Variants in PPFIA2 observed in about 807,000 individuals in gnomAD.
PPFIA2 encodes the protein PPFI scaffold protein A2, also known as liprin-alpha-2.
In PPFIA2, 46 loss-of-function variants were observed where a neutral mutation model predicts 175.5. The ratio of observed to expected loss-of-function variants is 0.26; its 90% CI spans 0.21 to 0.34. The LOEUF is 0.34. PPFIA2 is among the 10% of genes least tolerant of loss of function. The pLI is 1.00. For missense variants in PPFIA2, 1,179 were observed against 1,506.1 expected (o/e 0.78, Z 3.60); for synonymous variants, 568 against 511.4 (o/e 1.11, Z -1.49).
intron 4 of PPFIA2, among the ~76,000 whole-genome samples, chr12:81,529,960 T>A (rs1282714001): frequency 1.3e-5 from 2 of 151,912 alleles, no homozygotes; most frequent in African/African-American, 2.4e-5. Flanking sequence ...CATGTACCCC[T>A]GAACTTAAAA....
At chr12:81,543,449 A>G (rs1297741977) in intron 4 of PPFIA2, among the ~76,000 whole-genome samples, 1 of 152,150 alleles carries the variant, frequency 6.6e-6, no homozygotes, top group African/African-American at 2.4e-5. Flanking sequence ...TTACAACTTA[A>G]AGGATAAAAC....
intron 4 of PPFIA2, among the ~76,000 whole-genome samples, chr12:81,635,946 G>A (rs1320310017): frequency 2.0e-5 from 3 of 147,114 alleles, no homozygotes; most frequent in African/African-American, 7.3e-5. Flanking sequence ...ACACACACAC[G>A]TGAAATGTTT....
At chr12:81,645,516 T>C (rs1057344647) in intron 4 of PPFIA2, among the ~76,000 whole-genome samples, 2 of 152,156 alleles carry the variant, frequency 1.3e-5, no homozygotes, top group African/African-American at 4.8e-5. Flanking sequence ...ATGTAAAAAG[T>C]GTGAAGGGAA....
intron 6 of PPFIA2, among the ~76,000 whole-genome samples, chr12:81,441,038 A>G (rs17008577): frequency 0.095 from 14,383 of 151,448 alleles, 826 homozygotes; most frequent in Middle Eastern, 0.16. Flanking sequence ...ATATAATTAT[A>G]TTCCTATGAG....
intron 7 of PPFIA2, among the ~76,000 whole-genome samples, chr12:81,429,033 T>C (rs1029992397): frequency 1.3e-5 from 2 of 152,092 alleles, no homozygotes; most frequent in Admixed American, 6.6e-5. Flanking sequence ...CTCTTTTATC[T>C]GACTTTCTGT....
At chr12:81,558,618 A>G (rs981487194) in intron 4 of PPFIA2, among the ~76,000 whole-genome samples, 1 of 152,166 alleles carries the variant, frequency 6.6e-6, no homozygotes, top group African/African-American at 2.4e-5. Context: ...AGAAGCCAGG[A>G]CAGCAGAAGG....
intron 4 of PPFIA2, among the ~76,000 whole-genome samples, chr12:81,521,463 T>C (rs2063117533): frequency 6.6e-6 from 1 of 152,148 alleles, no homozygotes; most frequent in Non-Finnish European, 1.5e-5. Flanking sequence ...ATGCAGTAAG[T>C]GCAATATACT....
At chr12:81,481,065 G>T (rs2058155503) in intron 4 of PPFIA2, among the ~76,000 whole-genome samples, 1 of 152,118 alleles carries the variant, frequency 6.6e-6, no homozygotes, top group Non-Finnish European at 1.5e-5. Flanking sequence ...AAACCAATGT[G>T]TAAAAATCAC....
At chr12:81,405,936 T>A in intron 7 of PPFIA2, 33 bp from the exon 8 acceptor site, 2 of 1,209,000 alleles carry the variant, frequency 1.7e-6, no homozygotes, top group Non-Finnish European at 2.4e-6. Flanking sequence ...CTTTAAAGTC[T>A]AAATAGGGAA....
chr12:81,598,450 T>C (rs927230956), intron 4 of PPFIA2: 2 of 879,260 alleles, frequency 2.3e-6, no homozygotes, highest in African/African-American at 3.6e-5. Context: ...ACATACAGTT[T>C]CATTTCAGGG....
intron 4 of PPFIA2, among the ~76,000 whole-genome samples, chr12:81,590,464 TTTTC>T (rs1229112410): frequency 6.6e-6 from 1 of 152,122 alleles, no homozygotes; most frequent in East Asian, 1.9e-4. Context: ...TCTTTTTTCT[TTTTC>T]TTTTTTATTT....
chr12:81,514,601 A>G (rs2062181024), intron 4 of PPFIA2, among the ~76,000 whole-genome samples: 1 of 151,960 alleles, frequency 6.6e-6, no homozygotes, highest in South Asian at 2.1e-4. Flanking sequence ...CTCACTTACT[A>G]AGGCTGAAAT....
At chr12:81,521,746 G>A (rs926124283) in intron 4 of PPFIA2, among the ~76,000 whole-genome samples, 1 of 151,774 alleles carries the variant, frequency 6.6e-6, no homozygotes, top group African/African-American at 2.4e-5. Context: ...CGTGAACACG[G>A]GAGGCGGAGC....
At chr12:81,605,595 C>T (rs372208002) in intron 4 of PPFIA2, among the ~76,000 whole-genome samples, 3 of 151,758 alleles carry the variant, frequency 2.0e-5, no homozygotes, top group African/African-American at 4.8e-5. Context: ...AACATATGAA[C>T]GCTAGTTAAG....
At chr12:81,553,422 A>G (rs2068283499) in intron 4 of PPFIA2, among the ~76,000 whole-genome samples, 1 of 152,072 alleles carries the variant, frequency 6.6e-6, no homozygotes, top group South Asian at 2.1e-4. Context: ...ACTCCCATCA[A>G]GATGAAGACT....
intron 21 of PPFIA2, among the ~76,000 whole-genome samples, chr12:81,337,865 T>C (rs2057372531): frequency 6.6e-6 from 1 of 152,170 alleles, no homozygotes; most frequent in African/African-American, 2.4e-5. Flanking sequence ...AAATAATGTC[T>C]GGCATGTATA....
chr12:81,716,565 C>A (rs2078650543), intron 3 of PPFIA2, among the ~76,000 whole-genome samples: 1 of 151,418 alleles, frequency 6.6e-6, no homozygotes, highest in Non-Finnish European at 1.5e-5. Context: ...CACACACACA[C>A]ACACACACAC....
At chr12:81,566,240 T>C (rs1382286052) in intron 4 of PPFIA2, among the ~76,000 whole-genome samples, 1 of 152,070 alleles carries the variant, frequency 6.6e-6, no homozygotes, top group African/African-American at 2.4e-5. Context: ...CATGTACGTT[T>C]TGGCCGGGCA....
chr12:81,689,380 T>C (rs941928329), intron 3 of PPFIA2, among the ~76,000 whole-genome samples: 1 of 152,098 alleles, frequency 6.6e-6, no homozygotes, highest in Non-Finnish European at 1.5e-5. Context: ...GATTTATCTA[T>C]TTTTCTTCTG....
Sources: gnomAD v4.1 joint callset for allele counts (sites outside exome capture counted in the v4.1 genomes callset) on GRCh38, gnomAD v4.1.1 for gene constraint, MANE v1.5 for transcripts, NCBI Gene and HGNC (gene_info 2026-07-23, HGNC 2026-07-21) for gene names.